The following MCMDC2 variants were observed in gnomAD, a reference collection of about 807,000 sequenced individuals.
The protein encoded by MCMDC2 is minichromosome maintenance domain-containing protein 2.
Under a neutral mutation model 75.8 loss-of-function variants are expected in MCMDC2, and 54 were observed. The observed-to-expected ratio is 0.71, with a 90% CI of 0.57 to 0.89. The LOEUF is 0.89. Ranked by LOEUF, MCMDC2 falls within the 40% of genes least tolerant of loss-of-function variation. The pLI, the probability that MCMDC2 is intolerant of heterozygous loss-of-function variation, is 0.00. For synonymous variants in MCMDC2, 249 were observed against 274.6 expected (o/e 0.91, Z 0.92); for missense variants, 656 against 780.4 (o/e 0.84, Z 1.90).
At chr8:66,880,639 A>G (rs920154097) in intron 7 of MCMDC2, among the ~76,000 whole-genome samples, 2 of 152,218 alleles carry the variant, frequency 1.3e-5, no homozygotes, top group Admixed American at 6.5e-5. Context: ...TTAATTCATC[A>G]TAGCACATAA....
At chr8:66,902,987 G>A (rs1442622526) in intron 13 of MCMDC2, among the ~76,000 whole-genome samples, 4 of 151,378 alleles carry the variant, frequency 2.6e-5, no homozygotes, top group Admixed American at 6.6e-5. Flanking sequence ...AGGCATGGTG[G>A]CACATGCCTG....
At chr8:66,906,701 T>C (rs1812915774) in intron 14 of MCMDC2, among the ~76,000 whole-genome samples, 1 of 151,910 alleles carries the variant, frequency 6.6e-6, no homozygotes, top group Non-Finnish European at 1.5e-5. Context: ...TTAGGGAGGA[T>C]ATATATATGT....
intron 4 of MCMDC2, among the ~76,000 whole-genome samples, chr8:66,877,003 G>A (rs1489136174): frequency 6.6e-6 from 1 of 152,032 alleles, no homozygotes; most frequent in Non-Finnish European, 1.5e-5. Flanking sequence ...CTCGTGATCT[G>A]CCCGCCTTGG....
Position 66,902,408 on chromosome 8 carries a change from G to C in MCMDC2, c.1769+1060G>C, listed in dbSNP as rs192356818. ...CCCTTCTCAATTTAAAAAAAAAAAA[G>C]CCTGGCCTAGTGGCTCATGCCTATA... On this transcript the variant is annotated intron_variant, in intron 13 of 14. Transcript: ENST00000422365. 6.2e-3 allele frequency among the ~76,000 whole-genome samples: 925 copies of C among 149,452 alleles called. 13 individuals carry two copies. Among genetic ancestry groups the C allele is most frequent in the African/African-American group, 0.021 (841 of 40,718 alleles).
At chr8:66,923,663 G>C (rs1048353492), downstream of MCMDC2, among the ~76,000 whole-genome samples, 1 of 151,992 alleles carries the variant, frequency 6.6e-6, no homozygotes, top group Non-Finnish European at 1.5e-5. Context: ...TTGTGGGGTC[G>C]GGGCGGGTGG....
chr8:66,895,897 A>T (rs915532180), intron 10 of MCMDC2, among the ~76,000 whole-genome samples: 1 of 152,144 alleles, frequency 6.6e-6, no homozygotes, highest in Non-Finnish European at 1.5e-5. Context: ...CCAATCTCTT[A>T]GCCCCCTGCC....
At chr8:66,890,159 C>T (rs1812034248) in intron 9 of MCMDC2, among the ~76,000 whole-genome samples, 1 of 152,090 alleles carries the variant, frequency 6.6e-6, no homozygotes, top group Non-Finnish European at 1.5e-5. Flanking sequence ...GTCCGCCTCC[C>T]GGGTTGAGGC....
downstream of MCMDC2, among the ~76,000 whole-genome samples, chr8:66,924,501 G>A (rs2130885212): frequency 1.3e-5 from 2 of 152,050 alleles, no homozygotes; most frequent in South Asian, 4.2e-4. Flanking sequence ...CGGGCGTGGT[G>A]GCAGGCGCCT....
At chr8:66,896,115 G>A in intron 10 of MCMDC2, 55 bp from the exon 11 acceptor site, 2 of 1,498,424 alleles carry the variant, frequency 1.3e-6, no homozygotes, top group South Asian at 2.5e-5. Flanking sequence ...GCAATTTGTA[G>A]ACATTTAGAC....
chr8:66,919,253 T>G lies in MCMDC2; in HGVS notation c.*84T>G. On this transcript the variant is annotated 3_prime_UTR_variant, in exon 15 of 15. Coordinates refer to ENST00000422365, the MANE Select transcript of MCMDC2 (RefSeq NM_173518.5). ...TTTGAGAGTGACTTTGAAGTAATGCTTTGATAATACTCTGTACAGGAATAT... is the reference window on the plus strand; with the variant it reads ...TTTGAGAGTGACTTTGAAGTAATGCGTTGATAATACTCTGTACAGGAATAT... 1 of 1,075,792 alleles carries G rather than the reference T, an allele frequency of 9.3e-7. No individual in the cohort carries two copies. The highest frequency in any genetic ancestry group is 1.3e-6 in the Non-Finnish European group (1 of 751,694). The allele number at this position is 1,075,792 out of a possible 1,614,324, so 66.6% of individuals were successfully genotyped here. A position where few individuals can be genotyped will look rare whatever the true frequency, so the allele number is the denominator to read the frequency against.
Position 66,880,859 on chromosome 8 carries a change from G to T in MCMDC2, c.720G>T (p.Val240=). ...CTTTAATAATTTTAGATGAATCAGTGAATAAAATGAATATAGGAAATGAAT... is the reference window on the plus strand; with the variant it reads ...CTTTAATAATTTTAGATGAATCAGTTAATAAAATGAATATAGGAAATGAAT... ...SLTIFLRDES[V]NKMNIGNEYK... Residue 240 remains valine, a synonymous_variant, in exon 8 of 15, where the codon GTG becomes GTT. Transcript: ENST00000422365. The T allele has an allele frequency of 6.5e-7, 1 of 1,530,346 alleles. No individual in the cohort carries two copies. Among genetic ancestry groups the T allele is most frequent in the Non-Finnish European group, 8.8e-7 (1 of 1,140,700 alleles). 94.8% of individuals were successfully genotyped at this position (1,530,346 alleles called of 1,614,324 possible). A position where few individuals can be genotyped will look rare whatever the true frequency, so the allele number is the denominator to read the frequency against.
intron 12 of MCMDC2, 121 bp downstream of exon 12, chr8:66,897,080 G>A (rs1563381012): frequency 4.2e-6 from 4 of 950,746 alleles, no homozygotes; most frequent in Non-Finnish European, 6.1e-6. Context: ...CTTGGTTCCA[G>A]CTTTTAAACA....
chr8:66,914,044 A>C (rs2130868742), intron 14 of MCMDC2, among the ~76,000 whole-genome samples: 1 of 151,680 alleles, frequency 6.6e-6, no homozygotes, highest in South Asian at 2.1e-4. Flanking sequence ...TTGGGAGGCC[A>C]AGGCAGGAGA....
intron 12 of MCMDC2, among the ~76,000 whole-genome samples, chr8:66,899,529 C>G (rs755564048): frequency 2.0e-5 from 3 of 152,078 alleles, no homozygotes; most frequent in Non-Finnish European, 2.9e-5. Context: ...TCTTCTCTCG[C>G]TCTGTTACCA....
Position 66,891,013 on chromosome 8 carries a change from T to C in MCMDC2, c.1222T>C (p.Cys408Arg). Residue 408 changes from cysteine (C) to arginine (R), a missense_variant, in exon 10 of 15, where the codon TGC (cysteine) becomes CGC (arginine). By Grantham distance (180) the Cys-to-Arg change is radical. Coordinates refer to ENST00000422365, the MANE Select transcript of MCMDC2 (RefSeq NM_173518.5). The part of the protein sequence containing the change: ...GSALLAKGGI[C>R]FIGDLASHKK... ...TGCTTTGCTAGCTAAAGGTGGTATC[T>C]GCTTTATAGGAGACTTGGCTTCACA... is the stretch of plus-strand genomic sequence containing the variant. 2.5e-6 allele frequency: 4 copies of C among 1,604,716 alleles called. No homozygotes were observed. The highest frequency in any genetic ancestry group is 3.4e-6 in the Non-Finnish European group (4 of 1,178,034).
intron 14 of MCMDC2, among the ~76,000 whole-genome samples, chr8:66,911,825 GA>G (rs1271899443): frequency 1.1e-3 from 145 of 131,328 alleles, no homozygotes; most frequent in Admixed American, 2.1e-3. Flanking sequence ...TCTGTCTCAA[GA>G]AAAAAAAAAA....
chr8:66,925,455 G>C (rs967964487), downstream of MCMDC2: 2 of 152,798 alleles, frequency 1.3e-5, no homozygotes, highest in Non-Finnish European at 1.5e-5. Flanking sequence ...GCCCAGCTAC[G>C]GGCCCGCAGT....
chr8:66,919,009 CT>C lies in MCMDC2; in HGVS notation c.1887del (p.Val630TyrfsTer20). On this transcript the variant is annotated frameshift_variant, in exon 15 of 15. Coordinates refer to ENST00000422365, the MANE Select transcript of MCMDC2 (RefSeq NM_173518.5). LOFTEE classifies it high-confidence loss of function. ...ETSLTLKYGA[T>X]VFCVAPNAVF... ...TATTATCTTCTTCATTTAGGGGCCACTGTATTTTGTGTTGCTCCGAATGCAG... is the reference window on the plus strand; with the variant it reads ...TATTATCTTCTTCATTTAGGGGCCACGTATTTTGTGTTGCTCCGAATGCAG... 3.3e-6 allele frequency: 5 copies of C among 1,513,142 alleles called. No individual in the cohort carries two copies. The highest frequency in any genetic ancestry group is 4.4e-6 in the Non-Finnish European group (5 of 1,128,684). The allele number at this position is 1,513,142 out of a possible 1,614,324, so 93.7% of individuals were successfully genotyped here.
chr8:66,877,373 C>T lies in MCMDC2; in HGVS notation c.310C>T (p.His104Tyr). ...GATTAATATAGTGCTGAAATTAACA[C>T]ATTTACCTCCCCTGCCAAGTTATGG... Reference protein sequence around the residue: ...TQINIVLKLTHLPPLPSYGLD... With the variant: ...TQINIVLKLTYLPPLPSYGLD... The change falls in exon 5 of 15, where the codon CAT becomes TAT. Residue 104 changes from histidine to tyrosine, a missense_variant. His to Tyr is a moderately conservative substitution (Grantham distance 83, BLOSUM62 2). Coordinates refer to ENST00000422365, the MANE Select transcript of MCMDC2 (RefSeq NM_173518.5). The T allele has an allele frequency of 5.0e-6, 8 of 1,610,776 alleles. No individual in the cohort carries two copies. Among genetic ancestry groups the T allele is most frequent in the Non-Finnish European group, 5.9e-6 (7 of 1,178,370 alleles).
Sources: allele counts gnomAD v4.1 joint callset (sites outside exome capture counted in the v4.1 genomes callset), GRCh38; gene constraint gnomAD v4.1.1; transcripts MANE v1.5; gene names NCBI Gene and HGNC (gene_info 2026-07-23, HGNC 2026-07-21).